EIF5B: variants seen among roughly 807,000 people sequenced by gnomAD.
EIF5B encodes the protein eIF-5B.
Under a neutral mutation model 147.5 loss-of-function variants are expected in EIF5B, and 47 were observed. The observed-to-expected ratio is 0.32, with a 90% CI of 0.25 to 0.41. EIF5B has a LOEUF of 0.41. Among genes scored for constraint, EIF5B ranks in the 10% least tolerant of loss-of-function variants. The pLI is 1.00. For synonymous variants in EIF5B, 455 were observed against 456.2 expected, an observed-to-expected ratio of 1.00 and a Z score of 0.03; for missense variants, 1,064 against 1,413.2, an observed-to-expected ratio of 0.75 and a Z score of 3.96.
intron 6 of EIF5B, among the ~76,000 whole-genome samples, chr2:99,366,230 GA>G (rs1293114991): frequency 2.0e-5 from 3 of 152,200 alleles, no homozygotes; most frequent in African/African-American, 7.2e-5. Context: ...TCTTGGTGTT[GA>G]TTCCAAGTAC....
At position 99,361,594 on chromosome 2, in the gene EIF5B, G is replaced by C; in HGVS notation, c.693G>C (p.Lys231Asn). Residue 231 changes from lysine to asparagine, a missense_variant, in exon 4 of 24, where the codon AAG becomes AAC. Lys to Asn is a moderately conservative substitution (Grantham distance 94, BLOSUM62 0). This residue lies in a region of EIF5B where 458 missense variants were observed against 451.3 expected (regional missense o/e 1.01). Transcript: ENST00000289371. ...ASFKIKTVAQKKAEKKERERK... is the reference protein window; with the variant it reads ...ASFKIKTVAQNKAEKKERERK... ...TCAAAATTAAGACAGTGGCCCAAAA[G>C]AAGGCAGAAAAGAAGGAGCGCGAGA... 1 of 1,603,340 alleles carries C rather than the reference G, an allele frequency of 6.2e-7. No individual in the cohort carries two copies. Among genetic ancestry groups the C allele is most frequent in the Non-Finnish European group, 8.5e-7 (1 of 1,177,622 alleles).
chr2:99,391,132 TTACA>T (rs1176031298), intron 17 of EIF5B, among the ~76,000 whole-genome samples: 4 of 152,180 alleles, frequency 2.6e-5, no homozygotes, highest in Non-Finnish European at 5.9e-5. Flanking sequence ...GTTTTATATA[TTACA>T]TACTGCATTC....
chr2:99,369,011 G>A (rs913101352), intron 7 of EIF5B, among the ~76,000 whole-genome samples: 3 of 152,218 alleles, frequency 2.0e-5, no homozygotes, highest in South Asian at 4.1e-4. Flanking sequence ...AGTGGCTCAC[G>A]CCTGTAATCC....
chr2:99,398,574 T>C, intron 22 of EIF5B, 174 bp from the exon 23 acceptor site: 1 of 605,302 alleles, frequency 1.7e-6, no homozygotes, highest in Non-Finnish European at 2.9e-6. Flanking sequence ...AATAGGGTGT[T>C]GGTGGTGCCA....
At chr2:99,375,870 G>A (rs968245699) in intron 9 of EIF5B, among the ~76,000 whole-genome samples, 4 of 152,226 alleles carry the variant, frequency 2.6e-5, no homozygotes, top group African/African-American at 9.6e-5. Flanking sequence ...ACTACGTGAC[G>A]CTCAAAGGAT....
At chr2:99,349,270 G>A (rs539294692) in intron 1 of EIF5B, among the ~76,000 whole-genome samples, 22 of 152,242 alleles carry the variant, frequency 1.4e-4, no homozygotes, top group Middle Eastern at 6.8e-3. Flanking sequence ...AGAGAGGTTG[G>A]TAAAAAGGAG....
At position 99,358,450 on chromosome 2, in the gene EIF5B, C is replaced by T. The variant is rs138560717; in HGVS notation, c.36-1786C>T. Among the ~76,000 whole-genome samples the T allele has an allele frequency of 6.2e-3, 946 of 152,254 alleles. 7 individuals carry two copies. The highest frequency in any genetic ancestry group is 0.021 in the African/African-American group (865 of 41,536). Reference sequence around the variant, plus strand: ...TTCCTGGATTCAAATCCCATATCTCCGACTCGTGTGATCCTGGGCAGATTC... The same window carrying T: ...TTCCTGGATTCAAATCCCATATCTCTGACTCGTGTGATCCTGGGCAGATTC... On this transcript the variant is annotated intron_variant, in intron 1 of 23. Coordinates refer to ENST00000289371, the MANE Select transcript of EIF5B (RefSeq NM_015904.4).
At chr2:99,385,130 TC>T (rs942642950) in intron 14 of EIF5B, among the ~76,000 whole-genome samples, 5 of 152,082 alleles carry the variant, frequency 3.3e-5, no homozygotes, top group African/African-American at 9.7e-5. Flanking sequence ...CACCGCAACC[TC>T]TGCCTTCCGG....
intron 1 of EIF5B, among the ~76,000 whole-genome samples, chr2:99,350,054 A>G (rs1390328461): frequency 2.6e-5 from 4 of 152,138 alleles, no homozygotes; most frequent in Non-Finnish European, 1.5e-5. Flanking sequence ...TTGTCTTTCC[A>G]TATATGGCAT....
intron 13 of EIF5B, 107 bp downstream of exon 13, chr2:99,382,333 C>A (rs1244021786): frequency 3.6e-6 from 3 of 837,008 alleles, no homozygotes; most frequent in Non-Finnish European, 5.8e-6. Flanking sequence ...ATCTCTATAA[C>A]TACCACTCCA....
At position 99,399,516 on chromosome 2, in the gene EIF5B, G is replaced by A. The variant is rs1675153780; in HGVS notation, c.*102G>A. 3 of 1,058,884 alleles carry A rather than the reference G, an allele frequency of 2.8e-6. No individual in the cohort carries two copies. The highest frequency in any genetic ancestry group is 4.2e-6 in the Non-Finnish European group (3 of 713,580). The allele number at this position is 1,058,884 out of a possible 1,614,324, so 65.6% of individuals were successfully genotyped here. A position where few individuals can be genotyped will look rare whatever the true frequency, so the allele number is the denominator to read the frequency against. Reference sequence around the variant, plus strand: ...GGAACAGACGTATTTGGACACTGATGGACTTAAGTATGGAAGGAAGAAAAA... The same window carrying A: ...GGAACAGACGTATTTGGACACTGATAGACTTAAGTATGGAAGGAAGAAAAA... On this transcript the variant is annotated 3_prime_UTR_variant, in exon 24 of 24. Transcript: ENST00000289371.
At chr2:99,337,684 C>T (rs2094246271) in intron 1 of EIF5B, 95 bp downstream of exon 1, 7 of 1,441,110 alleles carry the variant, frequency 4.9e-6, no homozygotes, top group South Asian at 2.7e-5. Flanking sequence ...GGTCTGGGCT[C>T]GCGATGAGCT....
chr2:99,337,889 C>T (rs2094247050), intron 1 of EIF5B, among the ~76,000 whole-genome samples: 1 of 152,254 alleles, frequency 6.6e-6, no homozygotes, highest in Non-Finnish European at 1.5e-5. Context: ...GGCGGCTTCG[C>T]CAGCGTGGCC....
chr2:99,394,409 A>T lies in EIF5B; in HGVS notation c.3012+11A>T. 6.2e-7 allele frequency: 1 copy of T among 1,613,782 alleles called. No individual in the cohort carries two copies. The highest frequency in any genetic ancestry group is 8.5e-7 in the Non-Finnish European group (1 of 1,179,926). On this transcript the variant is annotated intron_variant, in intron 19 of 23. Coordinates refer to ENST00000289371, the MANE Select transcript of EIF5B (RefSeq NM_015904.4). The stretch of plus-strand genomic sequence containing the variant: ...ACATCAGAAGTGCCCGTAAGTAACT[A>T]CAACTCGCTCCACAAGTGAATGGTG...
chr2:99,389,986 C>G (rs1042097001), intron 15 of EIF5B, 137 bp downstream of exon 15: 5 of 1,272,808 alleles, frequency 3.9e-6, no homozygotes, highest in Admixed American at 5.2e-5. Context: ...AATTCTTCTT[C>G]CCTTTTCTCC....
At chr2:99,386,558 C>CT (rs1674813243) in intron 14 of EIF5B, among the ~76,000 whole-genome samples, 1 of 148,224 alleles carries the variant, frequency 6.7e-6, no homozygotes, top group African/African-American at 2.5e-5. Context: ...GAGACCATCT[C>CT]TTGCTGTTGC....
chr2:99,339,667 TTA>T (rs1249132504), intron 1 of EIF5B, among the ~76,000 whole-genome samples: 4 of 152,110 alleles, frequency 2.6e-5, no homozygotes, highest in African/African-American at 7.2e-5. Context: ...GCGATCCGGC[TTA>T]TATGTTTCCC....
intron 1 of EIF5B, among the ~76,000 whole-genome samples, chr2:99,355,010 G>T (rs1273255675): frequency 1.3e-5 from 2 of 151,934 alleles, no homozygotes; most frequent in Non-Finnish European, 2.9e-5. Flanking sequence ...TACCATGTTG[G>T]CCAGGCCAGT....
intron 1 of EIF5B, among the ~76,000 whole-genome samples, chr2:99,355,583 CTGTT>C (rs979721539): frequency 1.3e-4 from 17 of 131,962 alleles, no homozygotes; most frequent in African/African-American, 3.1e-4. Flanking sequence ...CTCAGTTTTT[CTGTT>C]TGTTTGTTTT....
Sources: gnomAD v4.1 joint callset for allele counts (sites outside exome capture counted in the v4.1 genomes callset) on GRCh38, gnomAD v4.1.1 for gene constraint, gnomAD v4.1.1 regional missense constraint, MANE v1.5 for transcripts, NCBI Gene and HGNC (gene_info 2026-07-23, HGNC 2026-07-21) for gene names.